The following UNC13C variants were observed in gnomAD, a reference collection of about 807,000 sequenced individuals.
UNC13C encodes protein unc-13 homolog C.
UNC13C carries 174 observed loss-of-function variants against 245.4 expected under a neutral mutation model. The ratio of observed to expected loss-of-function variants is 0.71; its 90% confidence interval spans 0.63 to 0.80. The LOEUF (loss-of-function observed/expected upper bound fraction) is 0.80. Among genes scored for constraint, UNC13C ranks in the 30% least tolerant of loss-of-function variants. UNC13C has a pLI of 0.00. For missense variants in UNC13C, 2,829 were observed against 2,602.9 expected (o/e 1.09, Z -1.89); for synonymous variants, 992 against 895.1 (o/e 1.11, Z -1.93).
intron 19 of UNC13C, among the ~76,000 whole-genome samples, chr15:54,485,756 G>A (rs943295505): frequency 6.6e-6 from 1 of 152,104 alleles, no homozygotes; most frequent in African/African-American, 2.4e-5. Context: ...TGGCCTCCTT[G>A]CATCTCTTTG....
intron 29 of UNC13C, among the ~76,000 whole-genome samples, chr15:54,565,220 T>C (rs1596580245): frequency 6.6e-6 from 1 of 152,172 alleles, no homozygotes; most frequent in African/African-American, 2.4e-5. Flanking sequence ...TTTGTTTAAA[T>C]GTTGGTTACA....
chr15:54,003,441 C>A (rs1414306374), intron 1 of UNC13C, among the ~76,000 whole-genome samples: 1 of 152,146 alleles, frequency 6.6e-6, no homozygotes, highest in Non-Finnish European at 1.5e-5. Flanking sequence ...ACAGGCAAAG[C>A]TTATTCAAGG....
chr15:54,118,507 C>A (rs1338887733), intron 2 of UNC13C, among the ~76,000 whole-genome samples: 1 of 152,100 alleles, frequency 6.6e-6, no homozygotes, highest in Non-Finnish European at 1.5e-5. Flanking sequence ...TTCTAACCTG[C>A]AACTGTACTG....
intron 19 of UNC13C, among the ~76,000 whole-genome samples, chr15:54,466,890 G>A (rs1258714715): frequency 6.6e-6 from 1 of 151,818 alleles, no homozygotes; most frequent in Non-Finnish European, 1.5e-5. Context: ...ACAACAAGAA[G>A]CATCTTAAAA....
At chr15:54,231,005 G>A (rs971057639) in intron 4 of UNC13C, among the ~76,000 whole-genome samples, 4 of 151,788 alleles carry the variant, frequency 2.6e-5, no homozygotes, top group Non-Finnish European at 4.4e-5. Context: ...TACTTCCATC[G>A]ATGTCTTCAG....
At chr15:54,190,131 C>A (rs1482887619) in intron 4 of UNC13C, among the ~76,000 whole-genome samples, 1 of 152,080 alleles carries the variant, frequency 6.6e-6, no homozygotes, top group Non-Finnish European at 1.5e-5. Context: ...ATGGCTTAAC[C>A]AACCCTACAA....
At chr15:53,904,313 C>T in the UNC13C span, among the ~76,000 whole-genome samples, 297 of 152,160 alleles carry the variant, frequency 2.0e-3, 5 homozygotes, top group Admixed American at 0.019. Context: ...AGTGATAAAA[C>T]ATTTGTTATA....
chr15:54,270,353 C>T (rs2036654822), intron 10 of UNC13C, among the ~76,000 whole-genome samples: 2 of 152,082 alleles, frequency 1.3e-5, no homozygotes. Context: ...TACTGACATT[C>T]TGAAAATAAG....
At chr15:54,285,037 G>T (rs2037106205) in intron 10 of UNC13C, among the ~76,000 whole-genome samples, 1 of 152,068 alleles carries the variant, frequency 6.6e-6, no homozygotes, top group Non-Finnish European at 1.5e-5. Flanking sequence ...TTTGCCCTTT[G>T]TTTCTATGAT....
intron 26 of UNC13C, among the ~76,000 whole-genome samples, chr15:54,535,768 C>T (rs923012952): frequency 6.6e-6 from 1 of 152,020 alleles, no homozygotes; most frequent in Non-Finnish European, 1.5e-5. Context: ...GAATTTAAGA[C>T]AGAAATCAAG....
chr15:54,174,587 C>T (rs1425788610), intron 4 of UNC13C, among the ~76,000 whole-genome samples: 3 of 152,068 alleles, frequency 2.0e-5, no homozygotes, highest in African/African-American at 7.2e-5. Context: ...TTAAAACCAG[C>T]TTACCCTTAG....
At chr15:54,222,915 AT>A (rs2035270054) in intron 4 of UNC13C, among the ~76,000 whole-genome samples, 1 of 151,888 alleles carries the variant, frequency 6.6e-6, no homozygotes, top group Non-Finnish European at 1.5e-5. Context: ...CTATTCAGAT[AT>A]TTTGCCCATT....
chr15:54,369,969 G>T (rs2039452977), intron 17 of UNC13C, among the ~76,000 whole-genome samples: 1 of 152,022 alleles, frequency 6.6e-6, no homozygotes, highest in Non-Finnish European at 1.5e-5. Context: ...TGTTTTTAAG[G>T]GTGGCGAGAA....
At chr15:54,565,007 G>A (rs1387235764) in intron 29 of UNC13C, among the ~76,000 whole-genome samples, 1 of 151,946 alleles carries the variant, frequency 6.6e-6, no homozygotes, top group Non-Finnish European at 1.5e-5. Context: ...TGGTGGGATT[G>A]TCCTCTGTCT....
intron 2 of UNC13C, among the ~76,000 whole-genome samples, chr15:54,017,197 G>T (rs796357770): frequency 1.7e-4 from 26 of 152,122 alleles, no homozygotes; most frequent in African/African-American, 5.3e-4. Flanking sequence ...TGAATGCACT[G>T]GCTGTTGCAA....
upstream of UNC13C, among the ~76,000 whole-genome samples, chr15:53,974,630 G>C (rs989465606): frequency 6.6e-6 from 1 of 152,152 alleles, no homozygotes; most frequent in African/African-American, 2.4e-5. Flanking sequence ...TCCATATCTT[G>C]TGACAGAATT....
chr15:54,580,498 C>T (rs1476638498), intron 30 of UNC13C, among the ~76,000 whole-genome samples: 3 of 152,116 alleles, frequency 2.0e-5, no homozygotes, highest in African/African-American at 4.8e-5. Context: ...CAGGCATGGC[C>T]CAAGCATGTG....
intron 2 of UNC13C, among the ~76,000 whole-genome samples, chr15:54,107,978 A>T (rs2141168551): frequency 6.6e-6 from 1 of 152,320 alleles, no homozygotes; most frequent in East Asian, 1.9e-4. Flanking sequence ...CAAAAGAGTG[A>T]CGGTTTCTGT....
chr15:54,403,488 G>A (rs496760), intron 18 of UNC13C, among the ~76,000 whole-genome samples: 85,635 of 151,824 alleles, frequency 0.56, 24,738 homozygotes, highest in Admixed American at 0.62. Context: ...TTGGGAACCC[G>A]AGGCAGGAGG....
Sources: gnomAD v4.1 joint callset for allele counts (sites outside exome capture counted in the v4.1 genomes callset) on GRCh38, gnomAD v4.1.1 for gene constraint, MANE v1.5 for transcripts, NCBI Gene and HGNC (gene_info 2026-07-23, HGNC 2026-07-21) for gene names.